TBC1D1: variants seen among roughly 807,000 people sequenced by gnomAD.
The protein encoded by TBC1D1 is TBC1 domain family member 1.
TBC1D1 carries 89 observed loss-of-function variants against 125.6 expected under a neutral mutation model. The ratio of observed to expected loss-of-function variants is 0.71; its 90% CI spans 0.60 to 0.85. TBC1D1 has a LOEUF of 0.85. TBC1D1 is among the 40% of genes least tolerant of loss of function. The pLI, the probability that TBC1D1 is intolerant of heterozygous loss-of-function variation, is 0.00. For synonymous variants in TBC1D1, 565 were observed against 564.1 expected (o/e 1.00, Z -0.02); for missense variants, 1,377 against 1,469.2 (o/e 0.94, Z 1.03).
rs775251561 is a variant in TBC1D1, at chr4:38,044,509, C to G, written c.1542+19C>G. ...GTCCCGGGTAAGTAGCATAATTTCTCCTGATTTAAGTTAAATCACTTTTTA... is the reference window on the plus strand; with the variant it reads ...GTCCCGGGTAAGTAGCATAATTTCTGCTGATTTAAGTTAAATCACTTTTTA... On this transcript the variant is annotated intron_variant, in intron 9 of 19. Transcript: ENST00000261439. 6.5e-5 allele frequency: 104 copies of G among 1,597,910 alleles called. No homozygotes were observed. Among genetic ancestry groups the G allele is most frequent in the Admixed American group, 3.2e-4 (18 of 55,450 alleles).
chr4:37,962,326 T>C (rs552063250), intron 2 of TBC1D1, among the ~76,000 whole-genome samples: 2 of 152,354 alleles, frequency 1.3e-5, no homozygotes, highest in South Asian at 4.1e-4. Flanking sequence ...CTCATTCTCC[T>C]GTAAGATTCA....
At chr4:37,928,153 G>A (rs1237862261) in intron 2 of TBC1D1, among the ~76,000 whole-genome samples, 2 of 152,186 alleles carry the variant, frequency 1.3e-5, no homozygotes, top group African/African-American at 4.8e-5. Flanking sequence ...GTTAAGATGT[G>A]TGAAGTGCTT....
chr4:38,092,427 T>G (rs1758575472), intron 13 of TBC1D1, among the ~76,000 whole-genome samples: 1 of 152,120 alleles, frequency 6.6e-6, no homozygotes, highest in Admixed American at 6.6e-5. Flanking sequence ...TAAGCAAGAT[T>G]AATACAAATA....
chr4:38,136,380 C>T (rs1766620780), intron 19 of TBC1D1, among the ~76,000 whole-genome samples: 1 of 152,148 alleles, frequency 6.6e-6, no homozygotes, highest in Non-Finnish European at 1.5e-5. Flanking sequence ...AGACCAGGCA[C>T]ATAAACCTCT....
chr4:37,911,131 C>CTTTTT (rs71658745), intron 2 of TBC1D1, among the ~76,000 whole-genome samples: 3 of 94,916 alleles, frequency 3.2e-5, no homozygotes, highest in Non-Finnish European at 6.1e-5. Flanking sequence ...TCCCCTCCTC[C>CTTTTT]TTTTTTTTTT....
At position 38,068,200 on chromosome 4, in the gene TBC1D1, G is replaced by A. The variant is rs932767818; in HGVS notation, c.2050+13862G>A. Among the ~76,000 whole-genome samples, 9 of 152,110 alleles carry A rather than the reference G, an allele frequency of 5.9e-5. 1 individual carries two copies. Among genetic ancestry groups the A allele is most frequent in the Admixed American group, 4.6e-4 (7 of 15,270 alleles). ...TATATCTGGAGAGCAAAACTGTCGC[G>A]GAAATCCCTAGTGTACTTCCATTTG... On this transcript the variant is annotated intron_variant, in intron 12 of 19. Transcript: ENST00000261439.
intron 3 of TBC1D1, among the ~76,000 whole-genome samples, chr4:38,015,539 C>T (rs1166223985): frequency 6.6e-6 from 1 of 151,792 alleles, no homozygotes; most frequent in African/African-American, 2.4e-5. Context: ...GGGGGCTGTC[C>T]CAGGTGGGTG....
intron 2 of TBC1D1, chr4:37,961,108 T>G: frequency 6.7e-7 from 1 of 1,494,696 alleles, no homozygotes; most frequent in Non-Finnish European, 9.3e-7. Flanking sequence ...TTTAACAACA[T>G]AATAAATACA....
intron 10 of TBC1D1, 44 bp from the exon 11 acceptor site, chr4:38,049,574 A>T: frequency 3.2e-6 from 5 of 1,543,900 alleles, no homozygotes; most frequent in Non-Finnish European, 2.6e-6. Context: ...TAAATCCCAC[A>T]TATTCCCCAT....
At chr4:38,092,078 A>T (rs577897486) in intron 13 of TBC1D1, among the ~76,000 whole-genome samples, 1 of 152,366 alleles carries the variant, frequency 6.6e-6, no homozygotes, top group East Asian at 1.9e-4. Flanking sequence ...AATAACTAGC[A>T]ATAACAGCCT....
At chr4:37,945,512 CAAAAAAAAAAAAAAAAAAAAA>C (rs59557310) in intron 2 of TBC1D1, among the ~76,000 whole-genome samples, 295 of 20,688 alleles carry the variant, frequency 0.014, 6 homozygotes, top group African/African-American at 0.052. Context: ...GACTCCACCT[CAAAAAAAAAAAAAAAAAAAAA>C]AAAAAAAAAA....
In TBC1D1 at chr4:37,955,308, C is replaced by G. The variant is rs76213646; in HGVS notation, c.417+52796C>G. On this transcript the variant is annotated intron_variant, in intron 2 of 19. Coordinates refer to ENST00000261439, the MANE Select transcript of TBC1D1 (RefSeq NM_015173.4). ...GATTCCCATGAACTGCACATACATA[C>G]CTCTCTATGTGTATACAGTTGTCCC... Among the ~76,000 whole-genome samples, 489 of 152,234 alleles carry G rather than the reference C, an allele frequency of 3.2e-3. 1 individual carries two copies. Among genetic ancestry groups the G allele is most frequent in the African/African-American group, 0.011 (464 of 41,544 alleles).
At chr4:38,023,270 T>G (rs1744429834) in intron 6 of TBC1D1, among the ~76,000 whole-genome samples, 1 of 151,872 alleles carries the variant, frequency 6.6e-6, no homozygotes, top group Admixed American at 6.6e-5. Flanking sequence ...GGAATATTTA[T>G]TATAAGCTAT....
Position 37,921,442 on chromosome 4 carries a change from C to G in TBC1D1, c.417+18930C>G, listed in dbSNP as rs970343003. Reference sequence around the variant, plus strand: ...TTTTTTTTTGAAATGGAGTCTCCCTCTGTCGCCAAGCTGGAGTGCAGTGGC... The same window carrying G: ...TTTTTTTTTGAAATGGAGTCTCCCTGTGTCGCCAAGCTGGAGTGCAGTGGC... On this transcript the variant is annotated intron_variant, in intron 2 of 19. Transcript: ENST00000261439. 2.6e-5 allele frequency among the ~76,000 whole-genome samples: 4 copies of G among 151,064 alleles called. No individual in the cohort carries two copies. The South Asian group carries it at 8.3e-4, about 31-fold the overall frequency.
intron 12 of TBC1D1, among the ~76,000 whole-genome samples, chr4:38,078,177 C>T (rs1184593885): frequency 3.9e-5 from 6 of 152,148 alleles, no homozygotes; most frequent in Admixed American, 1.3e-4. Flanking sequence ...TCAAACAAAT[C>T]CCTTTCTGGC....
At chr4:37,980,231 A>G (rs1299594953) in intron 2 of TBC1D1, among the ~76,000 whole-genome samples, 4 of 152,204 alleles carry the variant, frequency 2.6e-5, no homozygotes, top group Non-Finnish European at 5.9e-5. Flanking sequence ...AAAACATAAG[A>G]TGTACTTTTA....
intron 19 of TBC1D1, among the ~76,000 whole-genome samples, chr4:38,136,709 G>T (rs1040867250): frequency 2.0e-5 from 3 of 152,200 alleles, no homozygotes; most frequent in African/African-American, 7.2e-5. Flanking sequence ...AGGCTCTGCT[G>T]CAGTAACAAA....
intron 12 of TBC1D1, among the ~76,000 whole-genome samples, chr4:38,064,477 G>A (rs773311559): frequency 2.4e-4 from 36 of 152,170 alleles, no homozygotes; most frequent in African/African-American, 6.5e-4. Context: ...AGGCTGAAAC[G>A]GAGGCTGCCC....
chr4:37,894,548 C>T (rs571667215), intron 1 of TBC1D1, among the ~76,000 whole-genome samples: 3 of 152,228 alleles, frequency 2.0e-5, no homozygotes, highest in Admixed American at 6.5e-5. Context: ...AAAGACAATG[C>T]GTGTATTTAT....
Sources: allele counts gnomAD v4.1 joint callset (sites outside exome capture counted in the v4.1 genomes callset), GRCh38; gene constraint gnomAD v4.1.1; transcripts MANE v1.5; gene names NCBI Gene and HGNC (gene_info 2026-07-23, HGNC 2026-07-21).